Variants in TBC1D22A observed in about 807,000 individuals in gnomAD.
The protein encoded by TBC1D22A is TBC1 domain family member 22A, also known as putative GTPase activator.
TBC1D22A carries 38 observed loss-of-function variants against 60.2 expected under a neutral mutation model. That is an observed-to-expected ratio of 0.63 (90% CI 0.49 to 0.83). The LOEUF (loss-of-function observed/expected upper bound fraction) is 0.83, where lower values mean the gene tolerates loss of function less well. Ranked by LOEUF, TBC1D22A falls within the 40% of genes least tolerant of loss-of-function variation. The probability of loss-of-function intolerance (pLI) is 0.00; values close to 1 mark genes in which losing one functional copy is unlikely to be tolerated. For missense variants in TBC1D22A, 628 were observed against 701.0 expected (o/e 0.90, Z 1.18); for synonymous variants, 302 against 281.7 (o/e 1.07, Z -0.72).
intron 11 of TBC1D22A, among the ~76,000 whole-genome samples, chr22:47,105,406 C>T (rs2065596342): frequency 6.6e-6 from 1 of 152,280 alleles, no homozygotes; most frequent in Admixed American, 6.5e-5. Context: ...CGAGAAAATA[C>T]AAATCTAGAG....
intron 8 of TBC1D22A, among the ~76,000 whole-genome samples, chr22:46,921,748 T>C (rs1387386781): frequency 6.6e-6 from 1 of 151,424 alleles, no homozygotes; most frequent in Non-Finnish European, 1.5e-5. Context: ...CTCCACAGCA[T>C]CTGTTTTTTT....
chr22:47,042,996 G>GA (rs2062901114), intron 11 of TBC1D22A, among the ~76,000 whole-genome samples: 1 of 152,190 alleles, frequency 6.6e-6, no homozygotes, highest in Non-Finnish European at 1.5e-5. Flanking sequence ...CTTGGGCCCC[G>GA]AATCACTCAG....
intron 11 of TBC1D22A, among the ~76,000 whole-genome samples, chr22:47,065,648 T>C (rs2063734454): frequency 1.3e-5 from 2 of 152,286 alleles, no homozygotes; most frequent in Admixed American, 6.5e-5. Flanking sequence ...TGGGACTGGG[T>C]TGGATTGAGG....
chr22:47,103,506 G>C (rs1047807126), intron 11 of TBC1D22A, among the ~76,000 whole-genome samples: 1 of 152,136 alleles, frequency 6.6e-6, no homozygotes, highest in African/African-American at 2.4e-5. Context: ...CCGGATGTCC[G>C]GTCTGCTCTG....
At chr22:46,902,149 G>A (rs1438240841) in intron 7 of TBC1D22A, among the ~76,000 whole-genome samples, 1 of 152,226 alleles carries the variant, frequency 6.6e-6, no homozygotes, top group Non-Finnish European at 1.5e-5. Flanking sequence ...CCTTCTGTGG[G>A]AGAGTGCTGT....
chr22:47,103,207 T>C (rs2065489635), intron 11 of TBC1D22A, among the ~76,000 whole-genome samples: 1 of 152,132 alleles, frequency 6.6e-6, no homozygotes, highest in Admixed American at 6.5e-5. Flanking sequence ...ATTCCTACTC[T>C]TAGTCTTGGG....
At chr22:46,966,347 C>T (rs1290791613) in intron 8 of TBC1D22A, among the ~76,000 whole-genome samples, 1 of 152,180 alleles carries the variant, frequency 6.6e-6, no homozygotes, top group African/African-American at 2.4e-5. Flanking sequence ...AACAGACGGT[C>T]GAAAGCATCG....
chr22:47,064,123 C>A (rs904352558), intron 11 of TBC1D22A, among the ~76,000 whole-genome samples: 2 of 152,242 alleles, frequency 1.3e-5, no homozygotes, highest in African/African-American at 4.8e-5. Context: ...GCTTGAGGGA[C>A]ACGGATCCAC....
At chr22:47,171,737 C>T (rs1460771310) in intron 12 of TBC1D22A, among the ~76,000 whole-genome samples, 1 of 152,090 alleles carries the variant, frequency 6.6e-6, no homozygotes, top group African/African-American at 2.4e-5. Flanking sequence ...GCGGGGCTGT[C>T]AGGCGGTGGT....
chr22:47,059,382 C>G (rs1367238210), intron 11 of TBC1D22A, among the ~76,000 whole-genome samples: 1 of 152,266 alleles, frequency 6.6e-6, no homozygotes, highest in Non-Finnish European at 1.5e-5. Context: ...CCCGGCCTCT[C>G]ACACCAGCGC....
intron 4 of TBC1D22A, among the ~76,000 whole-genome samples, chr22:46,825,929 CTGGAGTACAGTGGCGCCATCT>C (rs994071502): frequency 6.7e-6 from 1 of 149,064 alleles, no homozygotes; most frequent in Non-Finnish European, 1.5e-5. Flanking sequence ...GTCGCCCAGG[CTGGAGTACAGTGGCGCCATCT>C]CGGCTTACTG....
At chr22:46,854,797 C>A (rs114518100) in intron 4 of TBC1D22A, among the ~76,000 whole-genome samples, 1,557 of 152,310 alleles carry the variant, frequency 0.01, 26 homozygotes, top group African/African-American at 0.036. Flanking sequence ...GATCACACTC[C>A]TGATATTTAA....
intron 4 of TBC1D22A, among the ~76,000 whole-genome samples, chr22:46,823,819 G>A (rs1405379917): frequency 1.3e-5 from 2 of 152,202 alleles, no homozygotes; most frequent in Non-Finnish European, 2.9e-5. Context: ...TGCCGTCACA[G>A]GAGCCGGGAG....
chr22:47,006,872 G>A (rs2061609664), intron 10 of TBC1D22A, among the ~76,000 whole-genome samples: 1 of 152,154 alleles, frequency 6.6e-6, no homozygotes, highest in African/African-American at 2.4e-5. Flanking sequence ...CCAGTTCTTG[G>A]TGCTGCTCAG....
At chr22:46,774,171 G>A in intron 1 of TBC1D22A, 1 of 985,542 alleles carries the variant, frequency 1.0e-6, no homozygotes, top group Non-Finnish European at 1.2e-6. Context: ...CTGAGGCCTG[G>A]CTCCTCCAGG....
At chr22:47,113,760 G>A (rs2065931661) in intron 12 of TBC1D22A, among the ~76,000 whole-genome samples, 2 of 152,216 alleles carry the variant, frequency 1.3e-5, no homozygotes, top group Admixed American at 1.3e-4. Flanking sequence ...GTTTCTTCCT[G>A]TTGTGAATAC....
At chr22:46,952,080 G>A (rs887733793) in intron 8 of TBC1D22A, among the ~76,000 whole-genome samples, 1 of 152,246 alleles carries the variant, frequency 6.6e-6, no homozygotes, top group Non-Finnish European at 1.5e-5. Flanking sequence ...GGGACAGATT[G>A]TGGCCAGGCA....
intron 12 of TBC1D22A, among the ~76,000 whole-genome samples, chr22:47,123,605 C>G (rs756016978): frequency 6.8e-4 from 104 of 152,332 alleles, no homozygotes; most frequent in Middle Eastern, 3.4e-3. Flanking sequence ...TGGGACTGAT[C>G]TTGCAATGCT....
At chr22:47,006,112 T>C (rs2061584094) in intron 10 of TBC1D22A, among the ~76,000 whole-genome samples, 1 of 152,212 alleles carries the variant, frequency 6.6e-6, no homozygotes, top group African/African-American at 2.4e-5. Flanking sequence ...GTCACTGTGT[T>C]TGAGGCTATT....
Sources: gnomAD v4.1 joint callset for allele counts (sites outside exome capture counted in the v4.1 genomes callset) on GRCh38, gnomAD v4.1.1 for gene constraint, MANE v1.5 for transcripts, NCBI Gene and HGNC (gene_info 2026-07-23, HGNC 2026-07-21) for gene names.